Variants in ING5 observed in about 807,000 individuals in gnomAD.
The protein encoded by ING5 is inhibitor of growth family member 5.
ING5 carries 17 observed loss-of-function variants against 37.4 expected under a neutral mutation model. That is an observed-to-expected ratio of 0.45 (90% CI 0.31 to 0.68). The LOEUF is 0.68. Among genes scored for constraint, ING5 ranks in the 30% least tolerant of loss-of-function variants. The pLI is 0.05. For missense variants in ING5, 233 were observed against 311.9 expected, an observed-to-expected ratio of 0.75 and a Z score of 1.91; for synonymous variants, 123 against 116.6, an observed-to-expected ratio of 1.06 and a Z score of -0.36.
chr2:241,693,056 C>T lies in ING5; in HGVS notation c.43+2403C>T, dbSNP rs373559452. On this transcript the variant is annotated intron_variant, in intron 2 of 7. Transcript: ENST00000636051. ...CGGGCAGATCACGAGATCAGGAGCT[C>T]GAGACCAGCCTGGCCAACGTGGTGA... 2.0e-5 allele frequency among the ~76,000 whole-genome samples: 3 copies of T among 151,904 alleles called. No homozygotes were observed. The South Asian group carries it at 6.2e-4, about 32-fold the overall frequency.
intron 3 of ING5, among the ~76,000 whole-genome samples, chr2:241,710,443 C>T (rs951138045): frequency 6.6e-6 from 1 of 151,942 alleles, no homozygotes; most frequent in East Asian, 1.9e-4. Context: ...GCTGGGATTA[C>T]AGGTGTGCAC....
At chr2:241,687,581 G>A (rs1344364198) in exon 1 of ING5, 1 of 366,560 alleles carries the variant, frequency 2.7e-6, no homozygotes, top group African/African-American at 2.1e-5. Context: ...AGGCTGGAGT[G>A]CGGTGGCGCG....
At chr2:241,706,674 A>G (rs563014162) in intron 2 of ING5, among the ~76,000 whole-genome samples, 14 of 151,692 alleles carry the variant, frequency 9.2e-5, no homozygotes, top group African/African-American at 3.4e-4. Context: ...TTCTTGTAAC[A>G]TTGCATGTCT....
chr2:241,704,822 G>A (rs546321713), intron 2 of ING5, 98 bp downstream of exon 2: 2 of 956,472 alleles, frequency 2.1e-6, no homozygotes, highest in Admixed American at 3.4e-5. Context: ...AGGGGACCCA[G>A]GTTAGTGGGG....
upstream of ING5, chr2:241,701,925 A>G (rs1575119404): frequency 2.8e-6 from 1 of 360,600 alleles, no homozygotes; most frequent in Non-Finnish European, 4.6e-6. Context: ...CCGGAAGCTG[A>G]AAGGCGTGTC....
rs536366784 is a variant in ING5, at chr2:241,714,410, T to G, written c.482+2339T>G. On this transcript the variant is annotated intron_variant, in intron 5 of 7. Transcript: ENST00000313552. ...TTATGGAAGTATTCAGGCTTTCTAT[T>G]TCTTCTCGAGTCAGTTTTGGAAAAA... Among the ~76,000 whole-genome samples the G allele has an allele frequency of 4.6e-5, 7 of 152,346 alleles. No individual in the cohort carries two copies. In the East Asian group the frequency reaches 1.3e-3, roughly 29 times the overall value.
intron 7 of ING5, among the ~76,000 whole-genome samples, chr2:241,724,460 G>A (rs1393499314): frequency 1.3e-5 from 2 of 152,162 alleles, no homozygotes; most frequent in Admixed American, 1.3e-4. Flanking sequence ...CTCCTGCGTG[G>A]GGAACCTATG....
At chr2:241,709,618 G>A (rs1559304868) in intron 3 of ING5, among the ~76,000 whole-genome samples, 1 of 148,370 alleles carries the variant, frequency 6.7e-6, no homozygotes, top group Non-Finnish European at 1.5e-5. Flanking sequence ...AACCATTTGG[G>A]TTTTTTTTGA....
In ING5 at chr2:241,704,654, T is replaced by C. The variant is rs774722287; in HGVS notation, c.39T>C (p.Ser13=). 3.1e-6 allele frequency: 5 copies of C among 1,613,708 alleles called. No homozygotes were observed. The African/African-American group carries it at 6.7e-5, about 22-fold the overall frequency. The part of the protein sequence containing the change: ...TAMYLEHYLD[S]IENLPCELQR... ...GGCTTCTGTGTTTTTGCGTTTCAGGTATCGAGAACCTTCCCTGCGAACTTC... is the reference window on the plus strand; with the variant it reads ...GGCTTCTGTGTTTTTGCGTTTCAGGCATCGAGAACCTTCCCTGCGAACTTC... Residue 13 remains serine (S), a splice_region_variant and synonymous_variant, in exon 2 of 8, where the codon AGT becomes AGC. Transcript: ENST00000313552.
intron 1 of ING5, among the ~76,000 whole-genome samples, chr2:241,689,168 A>C (rs1432175389): frequency 2.0e-5 from 3 of 151,240 alleles, no homozygotes; most frequent in African/African-American, 7.3e-5. Flanking sequence ...AGTGGAGTGC[A>C]ATGGCATGAT....
At chr2:241,701,495 C>T (rs914785349), upstream of ING5, among the ~76,000 whole-genome samples, 8 of 152,268 alleles carry the variant, frequency 5.3e-5, no homozygotes, top group South Asian at 1.2e-3. Context: ...GGGCCCAGGC[C>T]CTGAGGGAGG....
rs1175819160 is a variant in ING5 at position 241,711,981 on chromosome 2, G to A, written c.392G>A (p.Gly131Asp). Residue 131 changes from glycine to aspartate, a missense_variant, in exon 5 of 8, where the codon GGC becomes GAC. Gly to Asp is a moderately conservative substitution (Grantham distance 94, BLOSUM62 -1). Around this residue, in one of 4 missense-constraint regions of ING5, gnomAD observed 76 missense variants for 68.2 expected, o/e 1.11. Coordinates refer to ENST00000313552, the MANE Select transcript of ING5 (RefSeq NM_032329.6). Reference protein sequence around the residue: ...ESSGGRGLKKGRGQKEKRGSR... With the variant: ...ESSGGRGLKKDRGQKEKRGSR... ...TTGCATCTTGATTATTTTTCAGAAGGCCGGGGTCAGAAAGAAAAAAGAGGG... is the reference window on the plus strand; with the variant it reads ...TTGCATCTTGATTATTTTTCAGAAGACCGGGGTCAGAAAGAAAAAAGAGGG... 2 of 1,601,406 alleles carry A rather than the reference G, an allele frequency of 1.2e-6. No homozygotes were observed. The highest frequency in any genetic ancestry group is 2.7e-5 in the African/African-American group (2 of 74,234).
intron 5 of ING5, chr2:241,722,343 C>G (rs1021773872): frequency 2.0e-6 from 2 of 985,180 alleles, no homozygotes; most frequent in Non-Finnish European, 2.4e-6. Context: ...CGGGGGAGTC[C>G]TGTCTGGGAG....
chr2:241,719,745 C>T, intron 5 of ING5: 3 of 1,456,204 alleles, frequency 2.1e-6, no homozygotes, highest in Non-Finnish European at 2.7e-6. Context: ...ACAGCCAGCA[C>T]CTCTGCAAAC....
At chr2:241,710,342 G>A (rs113864547) in intron 3 of ING5, among the ~76,000 whole-genome samples, 6,221 of 151,838 alleles carry the variant, frequency 0.041, 465 homozygotes, top group East Asian at 0.3. Context: ...TCACTGTGTC[G>A]CCCAGACTAG....
chr2:241,723,201 AC>A lies in ING5; in HGVS notation c.619-8del. ...CGTGTTGACTGCGGTTTCTCCCTTT[AC>A]TTTGCAGTGTCCAATTGAGTGGTTT... On this transcript the variant is annotated splice_region_variant and splice_polypyrimidine_tract_variant and intron_variant, in intron 6 of 7. Transcript: ENST00000313552. The A allele has an allele frequency of 6.2e-7, 1 of 1,614,146 alleles. No homozygotes were observed. Among genetic ancestry groups the A allele is most frequent in the Non-Finnish European group, 8.5e-7 (1 of 1,180,000 alleles).
intron 3 of ING5, among the ~76,000 whole-genome samples, chr2:241,710,219 G>A (rs2070065733): frequency 6.6e-6 from 1 of 152,110 alleles, no homozygotes; most frequent in Non-Finnish European, 1.5e-5. Flanking sequence ...CAATTCTCCT[G>A]CCTCAGCCTC....
At chr2:241,706,466 C>T (rs991099335) in intron 2 of ING5, among the ~76,000 whole-genome samples, 1 of 151,776 alleles carries the variant, frequency 6.6e-6, no homozygotes, top group Non-Finnish European at 1.5e-5. Context: ...CCCGTCTCTA[C>T]TAAAAATACA....
At chr2:241,709,445 A>G in intron 3 of ING5, 63 bp downstream of exon 3, 1 of 1,501,152 alleles carries the variant, frequency 6.7e-7, no homozygotes, top group South Asian at 1.3e-5. Context: ...TCATGCAACA[A>G]AATGTAAAAA....
Sources: allele counts gnomAD v4.1 joint callset (sites outside exome capture counted in the v4.1 genomes callset), GRCh38; gene constraint gnomAD v4.1.1; regional missense constraint gnomAD v4.1.1; transcripts MANE v1.5; gene names NCBI Gene and HGNC (gene_info 2026-07-23, HGNC 2026-07-21).